The following PTPRD variants were observed in gnomAD, a reference collection of about 807,000 sequenced individuals.
PTPRD encodes the protein protein tyrosine phosphatase receptor type D.
Under a neutral mutation model 214.5 loss-of-function variants are expected in PTPRD, and 34 were observed. The ratio of observed to expected loss-of-function variants is 0.16; its 90% CI spans 0.12 to 0.21. The LOEUF (loss-of-function observed/expected upper bound fraction) is 0.21, where lower values mean the gene tolerates loss of function less well. PTPRD is among the 10% of genes least tolerant of loss of function. The pLI is 1.00. For synonymous variants in PTPRD, 1,128 were observed against 845.7 expected, an observed-to-expected ratio of 1.33 and a Z score of -5.79; for missense variants, 2,545 against 2,398.7, an observed-to-expected ratio of 1.06 and a Z score of -1.27.
chr9:8,946,910 T>C lies in PTPRD; in HGVS notation c.-104+71787A>G, dbSNP rs553776625. Among the ~76,000 whole-genome samples the C allele has an allele frequency of 3.9e-5, 6 of 151,916 alleles. No homozygotes were observed. In the East Asian group the frequency reaches 9.7e-4, roughly 24 times the overall value. On this transcript the variant is annotated intron_variant, in intron 11 of 45. Transcript: ENST00000381196. ...TTTTCTATTGGTCTCTTTCTTTCTGTCTCTAACTGTGTCTCTTTATTGTCT... is the reference window on the plus strand; with the variant it reads ...TTTTCTATTGGTCTCTTTCTTTCTGCCTCTAACTGTGTCTCTTTATTGTCT...
intron 5 of PTPRD, among the ~76,000 whole-genome samples, chr9:9,907,688 A>G (rs2077993536): frequency 6.6e-6 from 1 of 151,972 alleles, no homozygotes; most frequent in Non-Finnish European, 1.5e-5. Context: ...ATTCAGTCCC[A>G]TAAAAGTGAA....
At chr9:8,740,700 C>G (rs962976850) in intron 11 of PTPRD, among the ~76,000 whole-genome samples, 2 of 152,114 alleles carry the variant, frequency 1.3e-5, no homozygotes, top group African/African-American at 4.8e-5. Context: ...ATCAAAAACT[C>G]CAAATTTTTC....
intron 11 of PTPRD, among the ~76,000 whole-genome samples, chr9:8,845,734 CAA>C (rs1444413208): frequency 1.3e-5 from 2 of 152,118 alleles, no homozygotes; most frequent in African/African-American, 4.8e-5. Flanking sequence ...CACTTTCCCC[CAA>C]AAAAAGTGTG....
intron 34 of PTPRD, among the ~76,000 whole-genome samples, chr9:8,446,188 T>G (rs2095716713): frequency 6.6e-6 from 1 of 152,214 alleles, no homozygotes; most frequent in Admixed American, 6.5e-5. Context: ...GATCCAACTA[T>G]GTTTGTGGTA....
chr9:8,929,809 G>GTA (rs757820164), intron 11 of PTPRD, among the ~76,000 whole-genome samples: 2 of 100,148 alleles, frequency 2.0e-5, no homozygotes, highest in South Asian at 6.6e-4. Context: ...GTATATATGT[G>GTA]TATATATATG....
intron 8 of PTPRD, among the ~76,000 whole-genome samples, chr9:9,411,368 C>G (rs2075379360): frequency 6.6e-6 from 1 of 150,654 alleles, no homozygotes; most frequent in Non-Finnish European, 1.5e-5. Flanking sequence ...AAATCCTAAG[C>G]TAGCAAACTA....
intron 3 of PTPRD, among the ~76,000 whole-genome samples, chr9:10,248,888 G>A (rs532632856): frequency 4.2e-4 from 56 of 131,922 alleles, no homozygotes; most frequent in Middle Eastern, 4.1e-3. Context: ...CTTTTTTTTA[G>A]CAATATTGAT....
Position 10,119,066 on chromosome 9 carries a change from G to A in PTPRD, c.-544-85276C>T, listed in dbSNP as rs184481478. On this transcript the variant is annotated intron_variant, in intron 3 of 45. Coordinates refer to ENST00000381196, the MANE Select transcript of PTPRD (RefSeq NM_002839.4). ...CCAGGGCATTAAAGTTACAACAAACGTAGAGTTCCACTTAAGAAACACCTC... is the reference window on the plus strand; with the variant it reads ...CCAGGGCATTAAAGTTACAACAAACATAGAGTTCCACTTAAGAAACACCTC... 1.3e-4 allele frequency among the ~76,000 whole-genome samples: 19 copies of A among 151,888 alleles called. No homozygotes were observed. In the East Asian group the frequency reaches 1.4e-3, roughly 11 times the overall value.
intron 2 of PTPRD, among the ~76,000 whole-genome samples, chr9:10,523,587 A>T (rs2053114820): frequency 7.2e-6 from 1 of 138,324 alleles, no homozygotes. Flanking sequence ...AATATTTTTC[A>T]AGTATATTTA....
intron 3 of PTPRD, among the ~76,000 whole-genome samples, chr9:10,216,858 G>A (rs1431080321): frequency 1.3e-5 from 2 of 151,918 alleles, no homozygotes; most frequent in Admixed American, 1.3e-4. Flanking sequence ...TTCGTTAGAG[G>A]GATAGGAGTC....
intron 8 of PTPRD, among the ~76,000 whole-genome samples, chr9:9,523,540 T>G (rs2097044522): frequency 6.6e-6 from 1 of 152,212 alleles, no homozygotes; most frequent in Admixed American, 6.5e-5. Context: ...TCTCTTTGCT[T>G]ATCTATAATT....
intron 5 of PTPRD, among the ~76,000 whole-genome samples, chr9:9,882,259 G>A (rs113996395): frequency 6.6e-6 from 1 of 151,990 alleles, no homozygotes; most frequent in East Asian, 1.9e-4. Flanking sequence ...TAAGCAGAAG[G>A]ATCGAAATTA....
At chr9:9,841,292 T>C (rs2058275798) in intron 5 of PTPRD, among the ~76,000 whole-genome samples, 1 of 152,132 alleles carries the variant, frequency 6.6e-6, no homozygotes, top group South Asian at 2.1e-4. Context: ...AGTTGAAGTG[T>C]AATGGGCTGA....
chr9:9,415,437 G>A (rs1485551140), intron 8 of PTPRD, among the ~76,000 whole-genome samples: 1 of 152,042 alleles, frequency 6.6e-6, no homozygotes, highest in Non-Finnish European at 1.5e-5. Context: ...ATGCGCCACT[G>A]CACTCCAGCC....
At chr9:9,195,437 A>G (rs539210787) in intron 9 of PTPRD, among the ~76,000 whole-genome samples, 3 of 152,130 alleles carry the variant, frequency 2.0e-5, no homozygotes, top group African/African-American at 4.8e-5. Context: ...ATACAGGCCA[A>G]TTGGTCATAT....
chr9:10,597,554 T>A (rs976032664), intron 2 of PTPRD, among the ~76,000 whole-genome samples: 3 of 151,798 alleles, frequency 2.0e-5, no homozygotes, highest in Admixed American at 2.0e-4. Flanking sequence ...AATGCATGAC[T>A]TGAAACTTTG....
Position 9,875,787 on chromosome 9 carries a change from A to G in PTPRD, c.-368+62720T>C, listed in dbSNP as rs186290627. Among the ~76,000 whole-genome samples, 218 of 152,294 alleles carry G rather than the reference A, an allele frequency of 1.4e-3. 1 individual carries two copies. Among genetic ancestry groups the G allele is most frequent in the African/African-American group, 4.7e-3 (195 of 41,588 alleles). On this transcript the variant is annotated intron_variant, in intron 5 of 45. Transcript: ENST00000381196. The stretch of plus-strand genomic sequence containing the variant: ...CAGGTTTAAGACAAAATAACAATCC[A>G]CAACACCAGTTAATCTTAGTAAAAT...
intron 11 of PTPRD, among the ~76,000 whole-genome samples, chr9:8,736,510 A>G (rs2090437629): frequency 6.6e-6 from 1 of 152,234 alleles, no homozygotes; most frequent in Non-Finnish European, 1.5e-5. Context: ...ATCCACTAAA[A>G]TAACTTGTAC....
At chr9:8,615,256 G>A (rs1167432125) in intron 14 of PTPRD, among the ~76,000 whole-genome samples, 1 of 152,012 alleles carries the variant, frequency 6.6e-6, no homozygotes, top group Non-Finnish European at 1.5e-5. Flanking sequence ...GGAGCCCACG[G>A]CTCAGAGAAT....
Sources: gnomAD v4.1 joint callset for allele counts (sites outside exome capture counted in the v4.1 genomes callset) on GRCh38, gnomAD v4.1.1 for gene constraint, MANE v1.5 for transcripts, NCBI Gene and HGNC (gene_info 2026-07-23, HGNC 2026-07-21) for gene names.